GNAO1: variants seen among roughly 807,000 people sequenced by gnomAD.
GNAO1 encodes G protein subunit alpha o1.
For synonymous variants in GNAO1, 164 were observed against 180.7 expected, an observed-to-expected ratio of 0.91 and a Z score of 0.74; for missense variants, 166 against 478.7, an observed-to-expected ratio of 0.35 and a Z score of 6.10.
chr16:56,242,869 A>G (rs919271227), intron 2 of GNAO1, among the ~76,000 whole-genome samples: 20 of 152,302 alleles, frequency 1.3e-4, no homozygotes, highest in African/African-American at 4.3e-4. Flanking sequence ...ACTGGTGGGA[A>G]CCCACCAGGC....
chr16:56,246,358 TTTCCTGGGAATGTCTG>T (rs1237499603), intron 2 of GNAO1, among the ~76,000 whole-genome samples: 44 of 152,326 alleles, frequency 2.9e-4, no homozygotes, highest in East Asian at 5.8e-4. Flanking sequence ...GAGAAAGCCT[TTTCCTGGGAATGTCTG>T]TTCTTGGTAA....
chr16:56,225,651 A>G (rs780946164), intron 2 of GNAO1, among the ~76,000 whole-genome samples: 4 of 152,158 alleles, frequency 2.6e-5, no homozygotes, highest in Non-Finnish European at 5.9e-5. Flanking sequence ...GGAATCAATA[A>G]AACAGGGGTA....
At chr16:56,195,948 A>G (rs1200880539) in intron 2 of GNAO1, among the ~76,000 whole-genome samples, 1 of 152,178 alleles carries the variant, frequency 6.6e-6, no homozygotes, top group African/African-American at 2.4e-5. Context: ...TGCTGTTTAG[A>G]ACAAAGGGTT....
intron 2 of GNAO1, among the ~76,000 whole-genome samples, chr16:56,272,511 C>T (rs1161273793): frequency 6.6e-6 from 1 of 152,192 alleles, no homozygotes; most frequent in Non-Finnish European, 1.5e-5. Flanking sequence ...AACATTTCTG[C>T]AAACTGCAAA....
intron 3 of GNAO1, among the ~76,000 whole-genome samples, chr16:56,320,683 G>T (rs2037562364): frequency 6.6e-6 from 1 of 152,188 alleles, no homozygotes; most frequent in African/African-American, 2.4e-5. Flanking sequence ...GGAATGATGA[G>T]GTGGGGGCAT....
intron 2 of GNAO1, among the ~76,000 whole-genome samples, chr16:56,271,689 G>A (rs2037019638): frequency 6.6e-6 from 1 of 152,140 alleles, no homozygotes; most frequent in African/African-American, 2.4e-5. Context: ...TCCTGACCTC[G>A]TGATCTGCCT....
intron 6 of GNAO1, among the ~76,000 whole-genome samples, chr16:56,341,961 G>C (rs2037809607): frequency 6.6e-6 from 1 of 152,208 alleles, no homozygotes; most frequent in African/African-American, 2.4e-5. Flanking sequence ...CGGGGGCTTG[G>C]GGCCAGGCAA....
chr16:56,340,008 T>A (rs3790108), intron 6 of GNAO1, among the ~76,000 whole-genome samples: 15,402 of 152,230 alleles, frequency 0.1, 1,304 homozygotes, highest in African/African-American at 0.23. Flanking sequence ...TGCCCTGCAA[T>A]CCACAGGCCC....
intron 4 of GNAO1, among the ~76,000 whole-genome samples, chr16:56,332,665 C>T (rs575126213): frequency 5.9e-5 from 9 of 152,314 alleles, no homozygotes; most frequent in South Asian, 2.1e-4. Context: ...TCAGCCTTCC[C>T]GACTGGGTTG....
Position 56,356,391 on chromosome 16 carries a change from A to G in GNAO1, c.*317A>G, listed in dbSNP as rs2037967996. 1 of 152,520 alleles carries G rather than the reference A, an allele frequency of 6.6e-6. No homozygotes were observed. The highest frequency in any genetic ancestry group is 2.4e-5 in the African/African-American group (1 of 41,450). The allele number at this position is 152,520 out of a possible 1,614,324, so 9.4% of individuals were successfully genotyped here. On this transcript the variant is annotated 3_prime_UTR_variant, in exon 9 of 9. Transcript: ENST00000262493. ...TTTTTCTTGCAAAACAAACATACCC[A>G]TCTGCACCGACGCCTGCCCCCGTCC...
At chr16:56,332,497 C>T (rs1306060016) in intron 4 of GNAO1, among the ~76,000 whole-genome samples, 1 of 152,240 alleles carries the variant, frequency 6.6e-6, no homozygotes, top group East Asian at 1.9e-4. Context: ...TCTCACACTA[C>T]CTCCTGACAT....
At chr16:56,330,037 C>T (rs573901941) in intron 4 of GNAO1, among the ~76,000 whole-genome samples, 2 of 152,356 alleles carry the variant, frequency 1.3e-5, no homozygotes, top group South Asian at 2.1e-4. Flanking sequence ...GACATTTCCA[C>T]GGGCCACATG....
At chr16:56,230,276 C>T (rs768797194) in intron 2 of GNAO1, among the ~76,000 whole-genome samples, 2 of 152,192 alleles carry the variant, frequency 1.3e-5, no homozygotes, top group Non-Finnish European at 2.9e-5. Flanking sequence ...TTCCATGCCC[C>T]TCAGTGGGAT....
At chr16:56,295,101 G>A (rs1419345169) in intron 3 of GNAO1, among the ~76,000 whole-genome samples, 1 of 152,150 alleles carries the variant, frequency 6.6e-6, no homozygotes, top group Non-Finnish European at 1.5e-5. Flanking sequence ...TAAATGGTTT[G>A]TTTAATGAAT....
At chr16:56,328,814 G>A (rs544564561) in intron 4 of GNAO1, 23 bp downstream of exon 4, 60 of 1,610,868 alleles carry the variant, frequency 3.7e-5, no homozygotes, top group South Asian at 3.6e-4. Context: ...GCGGGCGCAT[G>A]GCCTGGAGCC....
intron 2 of GNAO1, among the ~76,000 whole-genome samples, chr16:56,256,670 C>A (rs2036849550): frequency 6.7e-6 from 1 of 150,366 alleles, no homozygotes. Flanking sequence ...GACTGGAGGT[C>A]AGTCTCTTTC....
chr16:56,342,899 G>C (rs371521900), intron 6 of GNAO1, among the ~76,000 whole-genome samples: 2 of 152,050 alleles, frequency 1.3e-5, no homozygotes, highest in East Asian at 1.9e-4. Context: ...GGTCGCCTGA[G>C]GTCAGGAGTT....
chr16:56,228,417 G>A (rs2036555150), intron 2 of GNAO1, among the ~76,000 whole-genome samples: 6 of 151,258 alleles, frequency 4.0e-5, no homozygotes. Flanking sequence ...GTGTGTGTGT[G>A]TATATATGTG....
intron 2 of GNAO1, among the ~76,000 whole-genome samples, chr16:56,254,578 C>T (rs2036829202): frequency 6.6e-6 from 1 of 151,970 alleles, no homozygotes; most frequent in Non-Finnish European, 1.5e-5. Flanking sequence ...AATCAGTTTT[C>T]TTATAAACAG....
Sources: gnomAD v4.1 joint callset for allele counts (sites outside exome capture counted in the v4.1 genomes callset) on GRCh38, gnomAD v4.1.1 for gene constraint, MANE v1.5 for transcripts, NCBI Gene and HGNC (gene_info 2026-07-23, HGNC 2026-07-21) for gene names.